The following COX7B2 variants were observed in gnomAD, a reference collection of about 807,000 sequenced individuals.
COX7B2 encodes the protein cytochrome c oxidase subunit 7B2, mitochondrial.
For synonymous variants in COX7B2, 37 were observed against 32.1 expected, an observed-to-expected ratio of 1.15 and a Z score of -0.51; for missense variants, 109 against 95.9, an observed-to-expected ratio of 1.14 and a Z score of -0.57.
In COX7B2 at chr4:46,792,868, G is replaced by A. The variant is rs73813600; in HGVS notation, c.-50+52092C>T. On this transcript the variant is annotated intron_variant, in intron 2 of 2. Coordinates refer to ENST00000355591, the MANE Select transcript of COX7B2 (RefSeq NM_130902.3). ...TTTGATTAGCTTTAAGATGCTAATG[G>A]CTCTATTTCCAGTAATAGAGCACTG... Among the ~76,000 whole-genome samples the A allele has an allele frequency of 8.0e-3, 1,218 of 152,242 alleles. 18 individuals carry two copies. Among genetic ancestry groups the A allele is most frequent in the African/African-American group, 0.027 (1,136 of 41,534 alleles).
intron 1 of COX7B2, among the ~76,000 whole-genome samples, chr4:46,857,008 G>T (rs2109791457): frequency 6.6e-6 from 1 of 152,298 alleles, no homozygotes; most frequent in Admixed American, 6.5e-5. Context: ...TAAACTTCAA[G>T]TAATCAGATG....
intron 2 of COX7B2, among the ~76,000 whole-genome samples, chr4:46,834,787 G>A (rs1282909014): frequency 6.6e-6 from 1 of 151,892 alleles, no homozygotes; most frequent in African/African-American, 2.4e-5. Flanking sequence ...TCACATAGAA[G>A]CTATTGTTTA....
chr4:46,739,870 C>T (rs950672867), intron 2 of COX7B2, among the ~76,000 whole-genome samples: 7 of 152,018 alleles, frequency 4.6e-5, no homozygotes, highest in Non-Finnish European at 7.4e-5. Context: ...ACTTTAAATG[C>T]TTTGCTATGG....
intron 1 of COX7B2, among the ~76,000 whole-genome samples, chr4:46,893,871 C>T (rs1365832714): frequency 6.6e-6 from 1 of 152,078 alleles, no homozygotes; most frequent in Non-Finnish European, 1.5e-5. Flanking sequence ...ATACCAACAA[C>T]AGCCAAGCCA....
At chr4:46,905,837 T>TTTTTTTG in intron 1 of COX7B2, among the ~76,000 whole-genome samples, 1 of 136,798 alleles carries the variant, frequency 7.3e-6, no homozygotes, top group Non-Finnish European at 1.6e-5. Context: ...TTTTTTTTTT[T>TTTTTTTG]TTTGAGACGG....
chr4:46,809,767 T>C (rs1719192792), intron 2 of COX7B2, among the ~76,000 whole-genome samples: 1 of 151,938 alleles, frequency 6.6e-6, no homozygotes, highest in Non-Finnish European at 1.5e-5. Flanking sequence ...GCTAAGTCCA[T>C]TTGGTCAAAA....
At chr4:46,784,510 A>G (rs1285410846) in intron 2 of COX7B2, among the ~76,000 whole-genome samples, 2 of 152,158 alleles carry the variant, frequency 1.3e-5, no homozygotes, top group Non-Finnish European at 2.9e-5. Context: ...CTGTAATTCC[A>G]GCTACTCAGG....
At chr4:46,809,235 A>G (rs949914679) in intron 2 of COX7B2, among the ~76,000 whole-genome samples, 3 of 151,642 alleles carry the variant, frequency 2.0e-5, no homozygotes, top group Non-Finnish European at 4.4e-5. Context: ...TTCTTCAGAA[A>G]AGCTCTTAGT....
At chr4:46,807,095 C>CTT (rs145544179) in intron 2 of COX7B2, among the ~76,000 whole-genome samples, 2 of 151,014 alleles carry the variant, frequency 1.3e-5, no homozygotes, top group African/African-American at 4.9e-5. Flanking sequence ...AAACCTCATA[C>CTT]TTTTTTTTTA....
intron 1 of COX7B2, among the ~76,000 whole-genome samples, chr4:46,882,247 C>A (rs914470544): frequency 6.6e-6 from 1 of 152,010 alleles, no homozygotes; most frequent in Non-Finnish European, 1.5e-5. Flanking sequence ...TACCATTTGG[C>A]GACGAGAAGA....
chr4:46,763,056 GTAATATATATTATA>G (rs1260683553), intron 2 of COX7B2, among the ~76,000 whole-genome samples: 1 of 120,840 alleles, frequency 8.3e-6, no homozygotes, highest in African/African-American at 3.2e-5. Flanking sequence ...ATTATAATAT[GTAATATATATTATA>G]TAATATATAT....
At chr4:46,755,706 C>T (rs1372653758) in intron 2 of COX7B2, among the ~76,000 whole-genome samples, 2 of 151,836 alleles carry the variant, frequency 1.3e-5, no homozygotes, top group Non-Finnish European at 2.9e-5. Context: ...AGAAGGCAAT[C>T]CCATTTAACA....
intron 2 of COX7B2, among the ~76,000 whole-genome samples, chr4:46,745,283 T>C (rs189097738): frequency 6.6e-6 from 1 of 152,252 alleles, no homozygotes; most frequent in East Asian, 1.9e-4. Flanking sequence ...AATATACCTG[T>C]TAATTAATCT....
intron 1 of COX7B2, among the ~76,000 whole-genome samples, chr4:46,901,517 T>C (rs960451101): frequency 1.3e-5 from 2 of 152,250 alleles, no homozygotes. Flanking sequence ...TAGTACAGTT[T>C]AATCTATTGT....
chr4:46,812,970 G>A (rs1018575412), intron 2 of COX7B2, among the ~76,000 whole-genome samples: 1 of 152,074 alleles, frequency 6.6e-6, no homozygotes, highest in Admixed American at 6.5e-5. Context: ...TATGCCAGTG[G>A]CTTGAGGTCC....
Position 46,734,918 on chromosome 4 carries a change from C to T in COX7B2, c.*29G>A, listed in dbSNP as rs371845383. ...TTACATGACAAGTTGGTTTTTTAAA[C>T]AATTCTGTCATTACAGCAACTGTGA... On this transcript the variant is annotated 3_prime_UTR_variant, in exon 3 of 3. Coordinates refer to ENST00000355591, the MANE Select transcript of COX7B2 (RefSeq NM_130902.3). 2 of 1,613,310 alleles carry T rather than the reference C, an allele frequency of 1.2e-6. No individual in the cohort carries two copies. The highest frequency in any genetic ancestry group is 1.7e-6 in the Non-Finnish European group (2 of 1,179,686).
intron 2 of COX7B2, among the ~76,000 whole-genome samples, chr4:46,839,504 C>T (rs1018757083): frequency 5.9e-5 from 9 of 151,820 alleles, no homozygotes; most frequent in Non-Finnish European, 1.2e-4. Context: ...GCAGTAAGGC[C>T]GACACAAGTA....
intron 1 of COX7B2, among the ~76,000 whole-genome samples, chr4:46,875,145 C>G (rs1320842708): frequency 6.6e-6 from 1 of 152,152 alleles, no homozygotes; most frequent in Non-Finnish European, 1.5e-5. Context: ...TAACCTTTCA[C>G]TACCAGTTCT....
intron 2 of COX7B2, among the ~76,000 whole-genome samples, chr4:46,750,961 G>C (rs1053143205): frequency 7.9e-5 from 12 of 152,056 alleles, no homozygotes; most frequent in Non-Finnish European, 1.3e-4. Context: ...GAGGGTTAGG[G>C]CTTCAAATTA....
Sources: allele counts gnomAD v4.1 joint callset (sites outside exome capture counted in the v4.1 genomes callset), GRCh38; gene constraint gnomAD v4.1.1; transcripts MANE v1.5; gene names NCBI Gene and HGNC (gene_info 2026-07-23, HGNC 2026-07-21).